NR3C2: variants seen among roughly 807,000 people sequenced by gnomAD.
The protein encoded by NR3C2 is nuclear receptor subfamily 3 group C member 2, also known as mineralocorticoid receptor.
In NR3C2, 15 loss-of-function variants were observed where a neutral mutation model predicts 86.4. That is an observed-to-expected ratio of 0.17 (90% CI 0.12 to 0.27). The LOEUF is 0.27. Among genes scored for constraint, NR3C2 ranks in the 10% least tolerant of loss-of-function variants. The probability of loss-of-function intolerance (pLI) is 1.00; values close to 1 mark genes in which losing one functional copy is unlikely to be tolerated. For synonymous variants in NR3C2, 458 were observed against 450.5 expected (o/e 1.02, Z -0.21); for missense variants, 960 against 1,195.6 (o/e 0.80, Z 2.91).
At chr4:148,244,806 C>T (rs1739238326) in intron 3 of NR3C2, among the ~76,000 whole-genome samples, 1 of 152,164 alleles carries the variant, frequency 6.6e-6, no homozygotes, top group Admixed American at 6.5e-5. Flanking sequence ...TTAAATTACT[C>T]CTTTTACAAA....
chr4:148,421,227 A>G (rs766099807), intron 2 of NR3C2, among the ~76,000 whole-genome samples: 2 of 152,226 alleles, frequency 1.3e-5, no homozygotes, highest in Middle Eastern at 3.2e-3. Flanking sequence ...CATTAAGTTA[A>G]GTGGCATTAA....
intron 2 of NR3C2, among the ~76,000 whole-genome samples, chr4:148,433,165 T>C (rs1001508269): frequency 5.9e-5 from 9 of 152,142 alleles, no homozygotes; most frequent in African/African-American, 2.2e-4. Context: ...GGAGGGCTTC[T>C]TGAGTGGAGC....
chr4:148,208,912 T>C (rs908884271), intron 3 of NR3C2: 5 of 152,206 alleles, frequency 3.3e-5, no homozygotes. Context: ...TGGTGTTTTT[T>C]TCTCTCTCTC....
chr4:148,359,982 G>A (rs965698313), intron 2 of NR3C2, among the ~76,000 whole-genome samples: 7 of 152,082 alleles, frequency 4.6e-5, no homozygotes, highest in Admixed American at 1.3e-4. Context: ...GAGCAACCCC[G>A]GGGTTTGCTT....
At chr4:148,335,760 T>C (rs1010963917) in intron 2 of NR3C2, among the ~76,000 whole-genome samples, 1 of 145,656 alleles carries the variant, frequency 6.9e-6, no homozygotes, top group African/African-American at 2.8e-5. Flanking sequence ...TAAAAAGTAA[T>C]TAAAAAAAAA....
In NR3C2 at chr4:148,198,376, G is replaced by C. The variant is rs551994612; in HGVS notation, c.1898-3514C>G. Among the ~76,000 whole-genome samples, 180 of 152,114 alleles carry C rather than the reference G, an allele frequency of 1.2e-3. 1 individual carries two copies. The highest frequency in any genetic ancestry group is 4.2e-3 in the African/African-American group (174 of 41,488). On this transcript the variant is annotated intron_variant, in intron 3 of 8. Transcript: ENST00000358102. ...AGCAACTTTTTGTTATACTTGGCCT[G>C]GTCCCAACTGAGAAAATACAGATTA...
chr4:148,261,055 C>A (rs943881747), intron 2 of NR3C2, among the ~76,000 whole-genome samples: 5 of 152,090 alleles, frequency 3.3e-5, no homozygotes, highest in Non-Finnish European at 5.9e-5. Context: ...GTGCAAGATA[C>A]CAAGAGAAAA....
At chr4:148,246,380 A>G (rs1415145944) in intron 3 of NR3C2, among the ~76,000 whole-genome samples, 1 of 152,224 alleles carries the variant, frequency 6.6e-6, no homozygotes, top group Admixed American at 6.5e-5. Context: ...AACAAATTTC[A>G]GTAACTGTAA....
intron 2 of NR3C2, among the ~76,000 whole-genome samples, chr4:148,412,414 T>A (rs1368338161): frequency 1.3e-5 from 2 of 152,084 alleles, no homozygotes; most frequent in East Asian, 3.9e-4. Flanking sequence ...ATAAGTGAAG[T>A]AAAAAAAGAT....
At chr4:148,098,112 G>A (rs1056156121) in intron 8 of NR3C2, among the ~76,000 whole-genome samples, 38 of 152,098 alleles carry the variant, frequency 2.5e-4, no homozygotes, top group African/African-American at 8.9e-4. Flanking sequence ...GTGTGACTCT[G>A]ATTAAACCTC....
intron 2 of NR3C2, among the ~76,000 whole-genome samples, chr4:148,264,197 T>C (rs564076126): frequency 6.6e-6 from 1 of 152,304 alleles, no homozygotes; most frequent in Admixed American, 6.5e-5. Context: ...TGCAAACATA[T>C]GCATTATTAA....
At chr4:148,245,734 T>C (rs768777414) in intron 3 of NR3C2, among the ~76,000 whole-genome samples, 19 of 152,110 alleles carry the variant, frequency 1.2e-4, no homozygotes, top group Admixed American at 2.0e-4. Context: ...AAAGCAGGTG[T>C]CAAGCAAAAC....
intron 2 of NR3C2, among the ~76,000 whole-genome samples, chr4:148,368,019 A>G (rs1312940016): frequency 6.6e-6 from 1 of 151,878 alleles, no homozygotes; most frequent in South Asian, 2.1e-4. Context: ...TCGTCCCCAT[A>G]TATCATCTTA....
In NR3C2 at chr4:148,170,500, CACT is replaced by C. The variant is rs1560958025; in HGVS notation, c.2015-15602_2015-15600del. Among the ~76,000 whole-genome samples, 18 of 151,150 alleles carry C rather than the reference CACT, an allele frequency of 1.2e-4. 1 individual carries two copies. The South Asian group carries it at 3.8e-3, about 32-fold the overall frequency. On this transcript the variant is annotated intron_variant, in intron 4 of 8. Transcript: ENST00000358102. ...TTCACACAAACATTTGCACTTCTGACACTGCTTGAAAAAAAATTTTTTTTGAAT... is the reference window on the plus strand; with the variant it reads ...TTCACACAAACATTTGCACTTCTGACGCTTGAAAAAAAATTTTTTTTGAAT...
At chr4:148,357,313 T>C (rs757042061) in intron 2 of NR3C2, among the ~76,000 whole-genome samples, 4 of 152,192 alleles carry the variant, frequency 2.6e-5, no homozygotes, top group Non-Finnish European at 4.4e-5. Flanking sequence ...AGTGTTAGTA[T>C]AATCCAAGAC....
intron 4 of NR3C2, among the ~76,000 whole-genome samples, chr4:148,163,956 C>T (rs1734773667): frequency 6.6e-6 from 1 of 152,124 alleles, no homozygotes; most frequent in African/African-American, 2.4e-5. Context: ...TTGCAGACAA[C>T]ATCTAATGAC....
chr4:148,214,375 A>G (rs1416222559), intron 3 of NR3C2, among the ~76,000 whole-genome samples: 1 of 152,066 alleles, frequency 6.6e-6, no homozygotes, highest in Non-Finnish European at 1.5e-5. Context: ...TTTTTTTTTA[A>G]AAAGGAAAAC....
intron 2 of NR3C2, among the ~76,000 whole-genome samples, chr4:148,380,943 T>C (rs1175094442): frequency 1.3e-5 from 2 of 152,174 alleles, no homozygotes; most frequent in African/African-American, 4.8e-5. Context: ...TACTTTATCC[T>C]GCATTACTAA....
intron 2 of NR3C2, among the ~76,000 whole-genome samples, chr4:148,351,606 C>T (rs546709923): frequency 6.6e-6 from 1 of 152,284 alleles, no homozygotes; most frequent in South Asian, 2.1e-4. Context: ...TAGTAACAGC[C>T]TTGGAAGAGA....
Sources: allele counts gnomAD v4.1 joint callset (sites outside exome capture counted in the v4.1 genomes callset), GRCh38; gene constraint gnomAD v4.1.1; transcripts MANE v1.5; gene names NCBI Gene and HGNC (gene_info 2026-07-23, HGNC 2026-07-21).